ROR1: variants seen among roughly 807,000 people sequenced by gnomAD.
ROR1 encodes the protein ROR family WNT receptor 1, also known as inactive tyrosine-protein kinase transmembrane receptor ROR1.
A neutral mutation model predicts 78.8 loss-of-function variants in ROR1; 19 were observed. The ratio of observed to expected loss-of-function variants is 0.24; its 90% confidence interval spans 0.17 to 0.35. ROR1 has a LOEUF of 0.35. Ranked by LOEUF, ROR1 falls within the 10% of genes least tolerant of loss-of-function variation. The pLI, the probability that ROR1 is intolerant of heterozygous loss-of-function variation, is 1.00. For missense variants in ROR1, 917 were observed against 1,177.8 expected (o/e 0.78, Z 3.24); for synonymous variants, 386 against 433.6 (o/e 0.89, Z 1.36).
intron 1 of ROR1, among the ~76,000 whole-genome samples, chr1:64,008,444 G>C (rs963593219): frequency 2.0e-5 from 3 of 152,042 alleles, no homozygotes; most frequent in Admixed American, 6.6e-5. Context: ...GTGTCTTTTT[G>C]GTAGAATAAT....
At chr1:64,065,862 ATAGT>A (rs1482585628) in intron 4 of ROR1, among the ~76,000 whole-genome samples, 1 of 152,196 alleles carries the variant, frequency 6.6e-6, no homozygotes, top group South Asian at 2.1e-4. Context: ...GTGATTGCCG[ATAGT>A]TAGTGGTTCT....
intron 1 of ROR1, among the ~76,000 whole-genome samples, chr1:63,910,096 C>T (rs1207573762): frequency 6.6e-6 from 1 of 152,104 alleles, no homozygotes; most frequent in Non-Finnish European, 1.5e-5. Context: ...ATTCACGGGG[C>T]TTTCTTTTGT....
rs941406198 is a variant in ROR1, at chr1:63,950,849, C to T, written c.92-58456C>T. On this transcript the variant is annotated intron_variant, in intron 1 of 8. Transcript: ENST00000371079. ...CAAGAGTTAAACTATTTTGATACCA[C>T]AGTGAAGGGAGCAGAAAATGACATT... Among the ~76,000 whole-genome samples, 5 of 152,184 alleles carry T rather than the reference C, an allele frequency of 3.3e-5. No individual in the cohort carries two copies. The South Asian group carries it at 8.3e-4, about 25-fold the overall frequency.
intron 2 of ROR1, among the ~76,000 whole-genome samples, chr1:64,013,149 A>G (rs913806950): frequency 9.9e-5 from 15 of 152,196 alleles, no homozygotes; most frequent in African/African-American, 3.4e-4. Flanking sequence ...TGATAAACTC[A>G]TTGGAGAGTA....
At chr1:64,081,149 GC>G (rs1273879456) in intron 4 of ROR1, among the ~76,000 whole-genome samples, 1 of 152,108 alleles carries the variant, frequency 6.6e-6, no homozygotes, top group Non-Finnish European at 1.5e-5. Flanking sequence ...AACAGAAATA[GC>G]CCAAGGCTGA....
chr1:63,948,919 G>A (rs956260740), intron 1 of ROR1, among the ~76,000 whole-genome samples: 4 of 152,154 alleles, frequency 2.6e-5, no homozygotes, highest in Non-Finnish European at 5.9e-5. Flanking sequence ...TTTCTGTTGT[G>A]TATAAGCCAC....
chr1:64,163,219 A>G (rs1433243430), intron 8 of ROR1, among the ~76,000 whole-genome samples: 1 of 77,926 alleles, frequency 1.3e-5, no homozygotes, highest in South Asian at 4.9e-4. Context: ...CCCCATCTCT[A>G]CAAACACACA....
In ROR1 at chr1:63,828,966, A is replaced by C. The variant is rs369512035; in HGVS notation, c.91+54458A>C. Among the ~76,000 whole-genome samples, 6 of 151,950 alleles carry C rather than the reference A, an allele frequency of 3.9e-5. No homozygotes were observed. In the South Asian group the frequency reaches 1.3e-3, roughly 32 times the overall value. ...AACTATCTCCTTCCTTTCTTTCTTT[A>C]TTTTTCCATCATATCATCGCCATCT... On this transcript the variant is annotated intron_variant, in intron 1 of 8. Coordinates refer to ENST00000371079, the MANE Select transcript of ROR1 (RefSeq NM_005012.4).
chr1:63,819,626 G>C (rs1423241028), intron 1 of ROR1, among the ~76,000 whole-genome samples: 2 of 152,198 alleles, frequency 1.3e-5, no homozygotes, highest in Non-Finnish European at 2.9e-5. Flanking sequence ...GGAATTGCTA[G>C]AGAAAGGCAG....
intron 4 of ROR1, among the ~76,000 whole-genome samples, chr1:64,085,139 G>T (rs566085581): frequency 1.2e-4 from 19 of 152,248 alleles, no homozygotes; most frequent in Middle Eastern, 3.4e-3. Context: ...GTTTGAATTT[G>T]GGAGAAAGAC....
At position 63,864,038 on chromosome 1, in the gene ROR1, G is replaced by A. The variant is rs116658248; in HGVS notation, c.91+89530G>A. Among the ~76,000 whole-genome samples the A allele has an allele frequency of 4.4e-3, 668 of 152,180 alleles. 7 individuals are homozygous for A. Among genetic ancestry groups the A allele is most frequent in the African/African-American group, 0.015 (630 of 41,498 alleles). On this transcript the variant is annotated intron_variant, in intron 1 of 8. Transcript: ENST00000371079. The stretch of plus-strand genomic sequence containing the variant: ...GCTAGCATTTATTTGGTGTTTTCCT[G>A]TGTGATAGGTAAGTGTTGTTTTAAG...
At chr1:64,112,047 C>T (rs1295987883) in intron 4 of ROR1, 2 of 152,142 alleles carry the variant, frequency 1.3e-5, no homozygotes, top group African/African-American at 4.8e-5. Flanking sequence ...CGTTGGGTGC[C>T]ATTACAAAGC....
At chr1:64,160,837 G>A (rs762679050) in intron 8 of ROR1, among the ~76,000 whole-genome samples, 5 of 152,136 alleles carry the variant, frequency 3.3e-5, no homozygotes, top group South Asian at 2.1e-4. Context: ...AACTCTGGGC[G>A]GGGGAGAGAC....
At chr1:63,923,548 C>T (rs1189390241) in intron 1 of ROR1, among the ~76,000 whole-genome samples, 1 of 151,850 alleles carries the variant, frequency 6.6e-6, no homozygotes, top group Non-Finnish European at 1.5e-5. Context: ...AATTCTGACA[C>T]TTCTAAATTA....
chr1:63,833,450 G>A (rs1489192617), intron 1 of ROR1, among the ~76,000 whole-genome samples: 1 of 152,152 alleles, frequency 6.6e-6, no homozygotes, highest in East Asian at 1.9e-4. Context: ...ATAGTTAGAG[G>A]GCCATCTTGG....
intron 1 of ROR1, among the ~76,000 whole-genome samples, chr1:63,950,040 A>C (rs185688409): frequency 2.9e-4 from 44 of 152,256 alleles, no homozygotes; most frequent in African/African-American, 1.1e-3. Flanking sequence ...TAAACATCAG[A>C]ATCACCTGAG....
chr1:63,961,981 A>G (rs1035379390), intron 1 of ROR1, among the ~76,000 whole-genome samples: 1 of 152,204 alleles, frequency 6.6e-6, no homozygotes, highest in Non-Finnish European at 1.5e-5. Context: ...ATTATGTGTC[A>G]TTTAAAAATT....
intron 1 of ROR1, among the ~76,000 whole-genome samples, chr1:63,884,009 G>A (rs948827443): frequency 1.3e-5 from 2 of 152,166 alleles, no homozygotes; most frequent in African/African-American, 2.4e-5. Flanking sequence ...GCTTGACTGG[G>A]TAATGATAGT....
At chr1:64,064,136 G>A (rs941701622) in intron 4 of ROR1, among the ~76,000 whole-genome samples, 2 of 152,184 alleles carry the variant, frequency 1.3e-5, no homozygotes, top group African/African-American at 4.8e-5. Context: ...AGGTGATGAA[G>A]TTTGCCAAAA....
Sources: gnomAD v4.1 joint callset for allele counts (sites outside exome capture counted in the v4.1 genomes callset) on GRCh38, gnomAD v4.1.1 for gene constraint, MANE v1.5 for transcripts, NCBI Gene and HGNC (gene_info 2026-07-23, HGNC 2026-07-21) for gene names.